CLEC16A: variants seen among roughly 807,000 people sequenced by gnomAD.
CLEC16A encodes protein CLEC16A.
A neutral mutation model predicts 109.5 loss-of-function variants in CLEC16A; 51 were observed. The ratio of observed to expected loss-of-function variants is 0.47; its 90% CI spans 0.37 to 0.59. The LOEUF (loss-of-function observed/expected upper bound fraction) is 0.59, where lower values mean the gene tolerates loss of function less well. CLEC16A is among the 20% of genes least tolerant of loss of function. CLEC16A has a pLI of 0.00. For synonymous variants in CLEC16A, 673 were observed against 564.2 expected (o/e 1.19, Z -2.73); for missense variants, 1,339 against 1,394.0 (o/e 0.96, Z 0.63).
chr16:11,164,201 C>T (rs1161866291), intron 22 of CLEC16A, among the ~76,000 whole-genome samples: 1 of 152,216 alleles, frequency 6.6e-6, no homozygotes, highest in African/African-American at 2.4e-5. Context: ...AAATACCCTC[C>T]ACGCAAGAGG....
intron 22 of CLEC16A, among the ~76,000 whole-genome samples, chr16:11,156,393 C>G (rs2054520925): frequency 6.8e-6 from 1 of 147,098 alleles, no homozygotes; most frequent in Admixed American, 6.7e-5. Context: ...AAAAACACAA[C>G]TAATCTGCCA....
At chr16:11,140,536 C>G (rs1346562545) in intron 22 of CLEC16A, among the ~76,000 whole-genome samples, 1 of 152,198 alleles carries the variant, frequency 6.6e-6, no homozygotes, top group Non-Finnish European at 1.5e-5. Flanking sequence ...GAGGCCATGG[C>G]TTTCCCATCC....
intron 22 of CLEC16A, among the ~76,000 whole-genome samples, chr16:11,145,613 C>T (rs1175517594): frequency 1.3e-5 from 2 of 152,274 alleles, no homozygotes; most frequent in African/African-American, 4.8e-5. Flanking sequence ...GCCAAAGCAG[C>T]TGTAGAGCAT....
At chr16:11,079,959 G>T (rs550151969) in intron 19 of CLEC16A, among the ~76,000 whole-genome samples, 1 of 152,298 alleles carries the variant, frequency 6.6e-6, no homozygotes, top group African/African-American at 2.4e-5. Flanking sequence ...TGCAGCCCCT[G>T]TTGCCACTTC....
chr16:11,148,526 T>G (rs1262242741), intron 22 of CLEC16A, among the ~76,000 whole-genome samples: 3 of 152,204 alleles, frequency 2.0e-5, no homozygotes, highest in African/African-American at 7.2e-5. Context: ...TAGGGATTAT[T>G]TCCCCCATAT....
intron 22 of CLEC16A, among the ~76,000 whole-genome samples, chr16:11,135,000 G>A (rs938907147): frequency 3.9e-5 from 6 of 152,244 alleles, no homozygotes; most frequent in Non-Finnish European, 8.8e-5. Context: ...TCCGTCCTGA[G>A]ACCACCACTT....
chr16:11,045,140 C>T (rs9929081), intron 16 of CLEC16A, among the ~76,000 whole-genome samples: 14,358 of 151,692 alleles, frequency 0.095, 756 homozygotes, highest in African/African-American at 0.15. Flanking sequence ...GGTCAGGAGA[C>T]CAAGACCATT....
chr16:11,143,122 A>G (rs1214385527), intron 22 of CLEC16A, among the ~76,000 whole-genome samples: 1 of 152,172 alleles, frequency 6.6e-6, no homozygotes, highest in African/African-American at 2.4e-5. Flanking sequence ...TATCCAGTAA[A>G]CATTTATTGA....
chr16:11,067,194 T>TG (rs1364989959), intron 19 of CLEC16A, among the ~76,000 whole-genome samples: 9 of 145,984 alleles, frequency 6.2e-5, no homozygotes, highest in East Asian at 2.1e-4. Flanking sequence ...TTTTTGTTTT[T>TG]TTTTTTTTTT....
At chr16:11,144,323 G>A (rs767040159) in intron 22 of CLEC16A, among the ~76,000 whole-genome samples, 38 of 152,322 alleles carry the variant, frequency 2.5e-4, no homozygotes, top group Non-Finnish European at 5.0e-4. Context: ...GGGTGACGAG[G>A]CCTGCTCAGC....
chr16:10,966,369 G>A (rs2042507504), intron 3 of CLEC16A, among the ~76,000 whole-genome samples: 1 of 152,226 alleles, frequency 6.6e-6, no homozygotes, highest in Non-Finnish European at 1.5e-5. Context: ...CGAGTCTGAT[G>A]TGCTAGAAGC....
chr16:11,078,000 TG>T, intron 19 of CLEC16A, among the ~76,000 whole-genome samples: 1 of 148,524 alleles, frequency 6.7e-6, no homozygotes, highest in South Asian at 2.1e-4. Context: ...TGTGTGTGTG[TG>T]TGTGTGTGTT....
intron 20 of CLEC16A, 73 bp downstream of exon 20, chr16:11,120,839 C>CACA: frequency 3.7e-5 from 36 of 965,920 alleles, no homozygotes; most frequent in Non-Finnish European, 4.9e-5. Flanking sequence ...CACACACACA[C>CACA]CACACACAAT....
At chr16:11,104,798 T>C (rs2051121096) in intron 19 of CLEC16A, among the ~76,000 whole-genome samples, 1 of 152,136 alleles carries the variant, frequency 6.6e-6, no homozygotes, top group Non-Finnish European at 1.5e-5. Context: ...GCCTTCTTCA[T>C]CCCTGTAGCC....
chr16:11,024,096 G>A (rs964204565), intron 12 of CLEC16A: 1 of 152,140 alleles, frequency 6.6e-6, no homozygotes, highest in African/African-American at 2.4e-5. Context: ...AGAAATTGCT[G>A]GGTCAGGACC....
intron 19 of CLEC16A, among the ~76,000 whole-genome samples, chr16:11,080,071 C>T (rs1256235655): frequency 6.6e-6 from 1 of 152,226 alleles, no homozygotes; most frequent in Non-Finnish European, 1.5e-5. Context: ...ATCTGTTTCC[C>T]ACCAGAAACA....
chr16:11,134,182 ATTT>A (rs34036131), intron 22 of CLEC16A, among the ~76,000 whole-genome samples: 13,434 of 123,878 alleles, frequency 0.11, 556 homozygotes, highest in African/African-American at 0.13. Context: ...CCCTTTTCTG[ATTT>A]TTTTTTTTTT....
intron 22 of CLEC16A, among the ~76,000 whole-genome samples, chr16:11,159,924 T>C (rs917951218): frequency 1.6e-4 from 25 of 152,200 alleles, no homozygotes; most frequent in Admixed American, 9.8e-4. Flanking sequence ...TCTCAAACCC[T>C]TCCTGGAAAC....
intron 19 of CLEC16A, among the ~76,000 whole-genome samples, chr16:11,120,011 C>G (rs1017964699): frequency 3.3e-5 from 5 of 151,952 alleles, no homozygotes; most frequent in African/African-American, 1.2e-4. Flanking sequence ...GCTCTTATTG[C>G]CCAGGTTGGA....
Sources: gnomAD v4.1 joint callset for allele counts (sites outside exome capture counted in the v4.1 genomes callset) on GRCh38, gnomAD v4.1.1 for gene constraint, MANE v1.5 for transcripts, NCBI Gene and HGNC (gene_info 2026-07-23, HGNC 2026-07-21) for gene names.